The following CCBE1 variants were observed in gnomAD, a reference collection of about 807,000 sequenced individuals.
CCBE1 encodes the protein collagen and calcium-binding EGF domain-containing protein 1.
A neutral mutation model predicts 50.0 loss-of-function variants in CCBE1; 37 were observed. The ratio of observed to expected loss-of-function variants is 0.74; its 90% CI spans 0.57 to 0.97. The LOEUF is 0.97. Ranked by LOEUF, CCBE1 falls within the 50% of genes least tolerant of loss-of-function variation. The pLI, the probability that CCBE1 is intolerant of heterozygous loss-of-function variation, is 0.00. For synonymous variants in CCBE1, 234 were observed against 203.7 expected (o/e 1.15, Z -1.27); for missense variants, 538 against 523.8 (o/e 1.03, Z -0.26).
chr18:59,652,765 C>T (rs1047330052), intron 2 of CCBE1, among the ~76,000 whole-genome samples: 10 of 152,164 alleles, frequency 6.6e-5, no homozygotes, highest in African/African-American at 2.4e-4. Flanking sequence ...GAGATTGAGA[C>T]CATCCTGGCT....
intron 2 of CCBE1, among the ~76,000 whole-genome samples, chr18:59,656,781 G>A (rs1253065161): frequency 6.6e-6 from 1 of 152,196 alleles, no homozygotes; most frequent in Non-Finnish European, 1.5e-5. Context: ...AGACTTCTCA[G>A]TATTATCTTA....
In CCBE1 at chr18:59,530,141, A is replaced by G. The variant is rs191491421; in HGVS notation, c.213-49903T>C. ...TTCCCCTTGTGGATTCTGTGTGTTT[A>G]TAATCTAGTAAGTTGAGATGGATGG... is the stretch of plus-strand genomic sequence containing the variant. On this transcript the variant is annotated intron_variant, in intron 2 of 10. Transcript: ENST00000439986. Among the ~76,000 whole-genome samples the G allele has an allele frequency of 2.0e-3, 307 of 152,276 alleles. 5 individuals carry two copies. The highest frequency in any genetic ancestry group is 0.017 in the Admixed American group (254 of 15,302).
At chr18:59,612,372 T>G (rs911154825) in intron 2 of CCBE1, among the ~76,000 whole-genome samples, 2 of 148,750 alleles carry the variant, frequency 1.3e-5, no homozygotes, top group Admixed American at 6.7e-5. Flanking sequence ...GGCAGTGTTG[T>G]GGTGGCAGCT....
intron 2 of CCBE1, among the ~76,000 whole-genome samples, chr18:59,502,787 C>T (rs372044862): frequency 2.2e-4 from 33 of 152,280 alleles, no homozygotes; most frequent in African/African-American, 7.0e-4. Flanking sequence ...CTGTGCTTGT[C>T]GACTGATGGT....
chr18:59,585,889 T>C (rs1387287029), intron 2 of CCBE1, among the ~76,000 whole-genome samples: 1 of 152,240 alleles, frequency 6.6e-6, no homozygotes, highest in African/African-American at 2.4e-5. Context: ...TCAACTACTA[T>C]TTCTAAACCT....
intron 2 of CCBE1, among the ~76,000 whole-genome samples, chr18:59,654,423 C>T (rs528679770): frequency 3.9e-4 from 59 of 152,092 alleles, no homozygotes; most frequent in East Asian, 1.2e-3. Context: ...GTCACGAGTT[C>T]GAAACAAGCC....
At chr18:59,614,913 TACA>T (rs1277505009) in intron 2 of CCBE1, among the ~76,000 whole-genome samples, 2 of 152,230 alleles carry the variant, frequency 1.3e-5, no homozygotes, top group Non-Finnish European at 2.9e-5. Context: ...CCCACACCTC[TACA>T]ACAAACCATA....
intron 2 of CCBE1, among the ~76,000 whole-genome samples, chr18:59,680,681 AGAGCG>A (rs2054577293): frequency 6.6e-6 from 1 of 151,628 alleles, no homozygotes; most frequent in Non-Finnish European, 1.5e-5. Context: ...CCTGGGAGAC[AGAGCG>A]AGACTCCATC....
chr18:59,524,311 T>A (rs1363607858), intron 2 of CCBE1, among the ~76,000 whole-genome samples: 1 of 152,094 alleles, frequency 6.6e-6, no homozygotes, highest in African/African-American at 2.4e-5. Context: ...CAGAGCAAGA[T>A]CCTGTCTCAA....
At position 59,697,238 on chromosome 18, in the gene CCBE1, G is replaced by A. The variant is rs1189280253; in HGVS notation, c.105C>T (p.Tyr35=). 10 of 1,549,178 alleles carry A rather than the reference G, an allele frequency of 6.5e-6. No homozygotes were observed. Among genetic ancestry groups the A allele is most frequent in the East Asian group, 2.4e-5 (1 of 40,896 alleles). ...LLLALGHTWT[Y]REEPEDGDRE... is the part of the protein sequence containing the mutation. The stretch of plus-strand genomic sequence containing the variant: ...TGTCGCCGTCCTCCGGCTCCTCTCT[G>A]TAGGTCCACGTGTGTCCCAACGCCA... The change falls in exon 1 of 11, where the codon TAC becomes TAT. Residue 35 remains tyrosine (Y), a synonymous_variant. Coordinates refer to ENST00000439986, the MANE Select transcript of CCBE1 (RefSeq NM_133459.4).
chr18:59,488,665 C>A (rs910205263), intron 2 of CCBE1, among the ~76,000 whole-genome samples: 1 of 152,166 alleles, frequency 6.6e-6, no homozygotes, highest in African/African-American at 2.4e-5. Flanking sequence ...CCGGGCTCTG[C>A]TGCTTGCCGG....
chr18:59,574,817 A>G (rs2052968883), intron 2 of CCBE1, among the ~76,000 whole-genome samples: 1 of 152,158 alleles, frequency 6.6e-6, no homozygotes, highest in South Asian at 2.1e-4. Context: ...AAGAATTAAC[A>G]CACTCCATTA....
chr18:59,576,967 T>G (rs987055052), intron 2 of CCBE1, among the ~76,000 whole-genome samples: 1 of 152,200 alleles, frequency 6.6e-6, no homozygotes, highest in Non-Finnish European at 1.5e-5. Flanking sequence ...GACACAGATA[T>G]GCCTATAAAT....
At chr18:59,580,667 C>T (rs955105450) in intron 2 of CCBE1, among the ~76,000 whole-genome samples, 3 of 152,200 alleles carry the variant, frequency 2.0e-5, no homozygotes, top group African/African-American at 7.2e-5. Context: ...AAAGTAGGAG[C>T]TGGTGTCTGG....
In CCBE1 at chr18:59,533,386, C is replaced by T. The variant is rs114588713; in HGVS notation, c.213-53148G>A. On this transcript the variant is annotated intron_variant, in intron 2 of 10. Transcript: ENST00000439986. The stretch of plus-strand genomic sequence containing the variant: ...TGTTAGAAAACTTAAAATAGCTTCA[C>T]TAAATTCTCCCATAAAAGGCCAGTT... Among the ~76,000 whole-genome samples, 797 of 152,224 alleles carry T rather than the reference C, an allele frequency of 5.2e-3. 6 individuals are homozygous for T. Among genetic ancestry groups the T allele is most frequent in the African/African-American group, 0.018 (754 of 41,546 alleles).
intron 5 of CCBE1, among the ~76,000 whole-genome samples, chr18:59,461,574 GAC>G (rs1396563970): frequency 3.9e-5 from 6 of 152,062 alleles, no homozygotes; most frequent in Non-Finnish European, 8.8e-5. Context: ...ATTCAGTGGA[GAC>G]AAATTACTGA....
chr18:59,438,003 G>T, intron 10 of CCBE1, 108 bp downstream of exon 10: 1 of 964,936 alleles, frequency 1.0e-6, no homozygotes, highest in Non-Finnish European at 1.7e-6. Context: ...TGGGCTGAGT[G>T]GCATCAGGAA....
intron 2 of CCBE1, among the ~76,000 whole-genome samples, chr18:59,622,621 T>C (rs2053727640): frequency 6.6e-6 from 1 of 151,106 alleles, no homozygotes; most frequent in Admixed American, 6.6e-5. Context: ...ACCAACGTGG[T>C]GAAACCCCAT....
At chr18:59,636,467 C>T (rs937515736) in intron 2 of CCBE1, among the ~76,000 whole-genome samples, 2 of 152,186 alleles carry the variant, frequency 1.3e-5, no homozygotes, top group Non-Finnish European at 2.9e-5. Flanking sequence ...TTCTCTCTAA[C>T]AACTTTTATC....
Sources: allele counts gnomAD v4.1 joint callset (sites outside exome capture counted in the v4.1 genomes callset), GRCh38; gene constraint gnomAD v4.1.1; transcripts MANE v1.5; gene names NCBI Gene and HGNC (gene_info 2026-07-23, HGNC 2026-07-21).